NFATC1: variants seen among roughly 807,000 people sequenced by gnomAD.
The protein encoded by NFATC1 is nuclear factor of activated T cells 1, also known as nuclear factor of activated T-cells, cytoplasmic 1.
Under a neutral mutation model 76.0 loss-of-function variants are expected in NFATC1, and 22 were observed. That is an observed-to-expected ratio of 0.29 (90% CI 0.21 to 0.41). NFATC1 has a LOEUF of 0.41. NFATC1 is among the 10% of genes least tolerant of loss of function. The pLI, the probability that NFATC1 is intolerant of heterozygous loss-of-function variation, is 1.00. For missense variants in NFATC1, 1,357 were observed against 1,337.7 expected (o/e 1.01, Z -0.23); for synonymous variants, 704 against 613.1 (o/e 1.15, Z -2.19).
rs1238945563 is a variant in NFATC1, at chr18:79,524,513, C to T, written c.2783-3015C>T. 6.6e-6 allele frequency among the ~76,000 whole-genome samples: 1 copy of T among 152,204 alleles called. No homozygotes were observed. The highest frequency in any genetic ancestry group is 1.5e-5 in the Non-Finnish European group (1 of 68,022). ...CTGTGTCTGGTCCCGGCCACGCGTC[C>T]CTGCAGCGTCTGAGACCTTGTGGAA... On this transcript the variant is annotated intron_variant, in intron 9 of 9. Transcript: ENST00000427363. This position sits in a 1 kb window ranked among gnomAD's most constrained non-coding sequence, Gnocchi z 7.2.
intron 9 of NFATC1, among the ~76,000 whole-genome samples, chr18:79,503,072 C>A (rs2090047156): frequency 6.6e-6 from 1 of 152,212 alleles, no homozygotes; most frequent in Non-Finnish European, 1.5e-5. Flanking sequence ...CCACAATGCC[C>A]AGCATGTGGG....
chr18:79,425,075 CTG>C (rs1437267656), intron 2 of NFATC1, among the ~76,000 whole-genome samples: 3 of 150,612 alleles, frequency 2.0e-5, no homozygotes, highest in Non-Finnish European at 4.4e-5. Context: ...GTTTCTCTCT[CTG>C]TCTCTCCATC....
At chr18:79,502,499 T>G (rs951816398) in intron 9 of NFATC1, among the ~76,000 whole-genome samples, 9 of 152,194 alleles carry the variant, frequency 5.9e-5, no homozygotes, top group African/African-American at 2.2e-4. Flanking sequence ...AATTTAAAAT[T>G]TTTATGCTTC....
chr18:79,492,498 A>G (rs1367867862), intron 9 of NFATC1, among the ~76,000 whole-genome samples: 3 of 151,866 alleles, frequency 2.0e-5, no homozygotes, highest in Admixed American at 1.3e-4. Context: ...TCACGAGGCC[A>G]GAAGATCGAA....
At chr18:79,402,391 A>G (rs1488697218) in intron 1 of NFATC1, 25 of 985,098 alleles carry the variant, frequency 2.5e-5, no homozygotes, top group Non-Finnish European at 3.0e-5. Context: ...GGTTCAGGAC[A>G]CAGTCCTCCC....
chr18:79,512,633 C>T (rs905361214), intron 9 of NFATC1, among the ~76,000 whole-genome samples: 10 of 152,150 alleles, frequency 6.6e-5, no homozygotes, highest in African/African-American at 1.2e-4. Context: ...TCTCTCCAGT[C>T]GGTGGGCCCC....
intron 8 of NFATC1, among the ~76,000 whole-genome samples, chr18:79,474,681 TCACA>T (rs1330141210): frequency 6.9e-6 from 1 of 144,338 alleles, no homozygotes; most frequent in Middle Eastern, 4.0e-3. Context: ...AAGCGTGTTC[TCACA>T]CTCACTGTCG....
At position 79,410,930 on chromosome 18, in the gene NFATC1, G is replaced by A. The variant is rs2148188049; in HGVS notation, c.655G>A (p.Glu219Lys). The A allele has an allele frequency of 1.2e-6, 2 of 1,605,286 alleles. No individual in the cohort carries two copies. Among genetic ancestry groups the A allele is most frequent in the Non-Finnish European group, 1.7e-6 (2 of 1,176,880 alleles). Residue 219 changes from glutamate to lysine, a missense_variant, in exon 2 of 10, where the codon GAG (glutamate) becomes AAG (lysine). Coordinates refer to ENST00000427363, the MANE Select transcript of NFATC1 (RefSeq NM_001278669.2). This position sits in a 1 kb window ranked among gnomAD's most constrained non-coding sequence, Gnocchi z 6.7. ...CVSPKTTDPEEGFPRGLGACT... is the reference protein window; with the variant it reads ...CVSPKTTDPEKGFPRGLGACT... ...GTCTCCCAAGACCACGGACCCCGAG[G>A]AGGGCTTTCCCCGCGGGCTGGGGGC...
intron 2 of NFATC1, among the ~76,000 whole-genome samples, chr18:79,424,919 G>A (rs1473143301): frequency 1.6e-5 from 2 of 122,924 alleles, no homozygotes; most frequent in South Asian, 4.9e-4. Context: ...CTGTCGCTCT[G>A]TCTCTCTGTG....
At chr18:79,414,214 C>T (rs1372973482) in intron 2 of NFATC1, among the ~76,000 whole-genome samples, 2 of 152,166 alleles carry the variant, frequency 1.3e-5, no homozygotes, top group Non-Finnish European at 2.9e-5. Context: ...TCACATGCAG[C>T]AGCTCTGGCA....
At chr18:79,444,850 T>G (rs2144739758) in intron 3 of NFATC1, among the ~76,000 whole-genome samples, 1 of 152,328 alleles carries the variant, frequency 6.6e-6, no homozygotes, top group Admixed American at 6.5e-5. Flanking sequence ...TCACGGAGGC[T>G]TCTGCACACC....
chr18:79,467,739 A>C (rs1487905775), intron 8 of NFATC1, 157 bp downstream of exon 8: 68 of 1,136,520 alleles, frequency 6.0e-5, no homozygotes, highest in Admixed American at 1.1e-4. Flanking sequence ...TGCCCTGAAA[A>C]GGAAAGGAAA....
chr18:79,427,240 A>G (rs1039407680), intron 2 of NFATC1, among the ~76,000 whole-genome samples: 2 of 152,220 alleles, frequency 1.3e-5, no homozygotes, highest in Non-Finnish European at 2.9e-5. Flanking sequence ...CTGTGAAATC[A>G]CAAGGTTTTA....
intron 8 of NFATC1, among the ~76,000 whole-genome samples, chr18:79,471,408 G>A (rs1483211914): frequency 6.6e-6 from 1 of 152,230 alleles, no homozygotes; most frequent in Non-Finnish European, 1.5e-5. Context: ...TTTGGAGAAA[G>A]AAAACCAAGT....
At chr18:79,453,188 C>T (rs28628390) in intron 6 of NFATC1, among the ~76,000 whole-genome samples, 24,705 of 152,256 alleles carry the variant, frequency 0.16, 2,282 homozygotes, top group East Asian at 0.38. Flanking sequence ...AGAAACACTT[C>T]GCCCACAGTG....
chr18:79,473,686 G>A (rs570065083), intron 8 of NFATC1, among the ~76,000 whole-genome samples: 8 of 146,226 alleles, frequency 5.5e-5, no homozygotes, highest in African/African-American at 2.0e-4. Flanking sequence ...TGAGGGAAGC[G>A]TGTTCTCACA....
chr18:79,464,132 C>G (rs2088301973), intron 7 of NFATC1, among the ~76,000 whole-genome samples: 2 of 152,182 alleles, frequency 1.3e-5, no homozygotes, highest in African/African-American at 2.4e-5. Context: ...CTCTGTCACC[C>G]AGATTGGAGT....
intron 1 of NFATC1, among the ~76,000 whole-genome samples, chr18:79,401,493 GGAGCCAAGGCAGAT>G (rs1345167600): frequency 6.6e-6 from 1 of 152,204 alleles, no homozygotes; most frequent in Non-Finnish European, 1.5e-5. Context: ...GGGGTCAGTG[GGAGCCAAGGCAGAT>G]GAGGGTGGGA....
chr18:79,479,597 T>A (rs2089202648), intron 8 of NFATC1, among the ~76,000 whole-genome samples: 1 of 152,242 alleles, frequency 6.6e-6, no homozygotes, highest in Non-Finnish European at 1.5e-5. Flanking sequence ...TTTCCTTTGC[T>A]TGTGAAGGTG....
Sources: allele counts gnomAD v4.1 joint callset (sites outside exome capture counted in the v4.1 genomes callset), GRCh38; gene constraint gnomAD v4.1.1; non-coding constraint Gnocchi (gnomAD v3.1); transcripts MANE v1.5; gene names NCBI Gene and HGNC (gene_info 2026-07-23, HGNC 2026-07-21).